The following CADPS variants were observed in gnomAD, a reference collection of about 807,000 sequenced individuals.
CADPS encodes the protein calcium-dependent secretion activator 1.
In CADPS, 57 loss-of-function variants were observed where a neutral mutation model predicts 167.3. The ratio of observed to expected loss-of-function variants is 0.34; its 90% CI spans 0.28 to 0.42. The LOEUF (loss-of-function observed/expected upper bound fraction) is 0.42, where lower values mean the gene tolerates loss of function less well. CADPS is among the 20% of genes least tolerant of loss of function. The pLI is 1.00. For missense variants in CADPS, 1,414 were observed against 1,738.1 expected (o/e 0.81, Z 3.32); for synonymous variants, 676 against 635.3 (o/e 1.06, Z -0.96).
intron 24 of CADPS, among the ~76,000 whole-genome samples, chr3:62,468,618 T>C (rs2060215463): frequency 6.6e-6 from 1 of 152,206 alleles, no homozygotes; most frequent in Admixed American, 6.5e-5. Flanking sequence ...TCGTGGCTTA[T>C]GGAAATATGA....
chr3:62,860,252 C>G (rs1053178642), intron 1 of CADPS, among the ~76,000 whole-genome samples: 1 of 152,196 alleles, frequency 6.6e-6, no homozygotes, highest in Non-Finnish European at 1.5e-5. Flanking sequence ...CTTTGGTAAA[C>G]AGTGTAGTGT....
chr3:62,740,445 G>C (rs2079968804), intron 3 of CADPS, among the ~76,000 whole-genome samples: 1 of 152,160 alleles, frequency 6.6e-6, no homozygotes, highest in African/African-American at 2.4e-5. Context: ...GCAAAGAATT[G>C]AGGCAATTAT....
intron 3 of CADPS, among the ~76,000 whole-genome samples, chr3:62,704,688 A>G (rs966058020): frequency 6.6e-6 from 1 of 152,078 alleles, no homozygotes; most frequent in East Asian, 1.9e-4. Flanking sequence ...TTCCTCTTGT[A>G]TAAGGTAAAT....
intron 6 of CADPS, among the ~76,000 whole-genome samples, chr3:62,616,121 C>T (rs1027509537): frequency 1.6e-4 from 24 of 152,150 alleles, no homozygotes; most frequent in Non-Finnish European, 2.9e-4. Flanking sequence ...TTTATTCCCT[C>T]CATCAATCAT....
chr3:62,846,648 T>G (rs148637655), intron 1 of CADPS, among the ~76,000 whole-genome samples: 2 of 152,128 alleles, frequency 1.3e-5, no homozygotes, highest in Non-Finnish European at 2.9e-5. Flanking sequence ...TTTTTTTGTT[T>G]GTTTTTTGGT....
At chr3:62,533,392 C>T (rs183395452) in intron 12 of CADPS, among the ~76,000 whole-genome samples, 9 of 152,172 alleles carry the variant, frequency 5.9e-5, no homozygotes, top group Non-Finnish European at 8.8e-5. Context: ...GAACCATACA[C>T]GTTAAAGGAG....
chr3:62,560,392 A>T (rs1056588180), intron 9 of CADPS, among the ~76,000 whole-genome samples: 1 of 152,220 alleles, frequency 6.6e-6, no homozygotes, highest in Non-Finnish European at 1.5e-5. Flanking sequence ...TATTTTGTTG[A>T]TGAAAAATTA....
In CADPS at chr3:62,438,256, A is replaced by T. The variant is rs756578487; in HGVS notation, c.3670-45T>A. The stretch of plus-strand genomic sequence containing the variant: ...CATGAAAACGAATTTTCAGACAGCC[A>T]CTCTTCCTTGTTTACCATTCACTTG... On this transcript the variant is annotated intron_variant, in intron 27 of 29. Coordinates refer to ENST00000383710, the MANE Select transcript of CADPS (RefSeq NM_003716.4). The surrounding 1 kb of genome is among the most constrained non-coding windows in gnomAD (Gnocchi z 4.7). 1.6e-5 allele frequency: 22 copies of T among 1,397,198 alleles called. No individual in the cohort carries two copies. The East Asian group carries it at 5.0e-4, about 32-fold the overall frequency. The allele number at this position is 1,397,198 out of a possible 1,614,324, so 86.6% of individuals were successfully genotyped here.
At chr3:62,530,794 G>T in intron 13 of CADPS, 2 of 1,278,964 alleles carry the variant, frequency 1.6e-6, no homozygotes, top group South Asian at 1.3e-5. Context: ...GCCCACTAAG[G>T]TACACATGCA....
chr3:62,690,584 C>A (rs142148821), intron 3 of CADPS, among the ~76,000 whole-genome samples: 4 of 151,788 alleles, frequency 2.6e-5, no homozygotes, highest in Non-Finnish European at 4.4e-5. Flanking sequence ...TGTGTCCATG[C>A]GGCATGGTAG....
intron 3 of CADPS, among the ~76,000 whole-genome samples, chr3:62,742,977 C>G (rs1317768061): frequency 6.6e-6 from 1 of 151,992 alleles, no homozygotes; most frequent in African/African-American, 2.4e-5. Context: ...GACATGAACA[C>G]TTCTCAAAAG....
At chr3:62,807,968 G>A (rs2094189470) in intron 1 of CADPS, among the ~76,000 whole-genome samples, 1 of 151,894 alleles carries the variant, frequency 6.6e-6, no homozygotes, top group East Asian at 1.9e-4. Context: ...CCACCTCCCG[G>A]GTTCACGCGA....
chr3:62,549,696 G>A (rs2077029289), intron 11 of CADPS, among the ~76,000 whole-genome samples: 1 of 152,076 alleles, frequency 6.6e-6, no homozygotes, highest in Non-Finnish European at 1.5e-5. Flanking sequence ...CCTTCATTTA[G>A]TGCTTGTGGG....
In CADPS at chr3:62,712,293, G is replaced by A. The variant is rs571430630; in HGVS notation, c.888+41148C>T. 3.3e-5 allele frequency among the ~76,000 whole-genome samples: 5 copies of A among 152,188 alleles called. No individual in the cohort carries two copies. The South Asian group carries it at 1.0e-3, about 32-fold the overall frequency. Reference sequence around the variant, plus strand: ...TCCCATCTTATTTGTTCTCCAGAAAGACTGCCTGTTTCTATTCCCCCCAGC... The same window carrying A: ...TCCCATCTTATTTGTTCTCCAGAAAAACTGCCTGTTTCTATTCCCCCCAGC... On this transcript the variant is annotated intron_variant, in intron 3 of 29. Coordinates refer to ENST00000383710, the MANE Select transcript of CADPS (RefSeq NM_003716.4).
chr3:62,749,739 AG>A (rs1269493661), intron 3 of CADPS, among the ~76,000 whole-genome samples: 3 of 152,174 alleles, frequency 2.0e-5, no homozygotes, highest in Non-Finnish European at 1.5e-5. Context: ...GCAAGGAAAG[AG>A]GAGGGAGGTA....
At chr3:62,867,183 T>C (rs1318689663) in intron 1 of CADPS, among the ~76,000 whole-genome samples, 2 of 152,018 alleles carry the variant, frequency 1.3e-5, no homozygotes, top group Non-Finnish European at 2.9e-5. Flanking sequence ...TTAAAAGAGC[T>C]ATTTGGATTG....
At chr3:62,568,548 G>C (rs371716597) in intron 9 of CADPS, among the ~76,000 whole-genome samples, 11 of 152,228 alleles carry the variant, frequency 7.2e-5, no homozygotes, top group Admixed American at 5.2e-4. Flanking sequence ...GACTTGCTGG[G>C]GGCTCTCAGG....
intron 3 of CADPS, among the ~76,000 whole-genome samples, chr3:62,744,544 G>A (rs1394341559): frequency 6.6e-6 from 1 of 152,154 alleles, no homozygotes; most frequent in African/African-American, 2.4e-5. Context: ...CGTGTTCAAA[G>A]GTTAGTAAAA....
chr3:62,855,488 G>T (rs2079506017), intron 1 of CADPS, among the ~76,000 whole-genome samples: 1 of 151,974 alleles, frequency 6.6e-6, no homozygotes, highest in Non-Finnish European at 1.5e-5. Flanking sequence ...AGAAGAAAAG[G>T]TAAAAACATA....
Sources: gnomAD v4.1 joint callset for allele counts (sites outside exome capture counted in the v4.1 genomes callset) on GRCh38, gnomAD v4.1.1 for gene constraint, Gnocchi (gnomAD v3.1) non-coding constraint, MANE v1.5 for transcripts, NCBI Gene and HGNC (gene_info 2026-07-23, HGNC 2026-07-21) for gene names.